PELI1: variants seen among roughly 807,000 people sequenced by gnomAD.
PELI1 encodes the protein E3 ubiquitin-protein ligase pellino homolog 1.
A neutral mutation model predicts 41.3 loss-of-function variants in PELI1; 15 were observed. The observed-to-expected ratio is 0.36, with a 90% CI of 0.24 to 0.56. The LOEUF (loss-of-function observed/expected upper bound fraction) is 0.56, where lower values mean the gene tolerates loss of function less well. Among genes scored for constraint, PELI1 ranks in the 20% least tolerant of loss-of-function variants. The pLI is 0.82. For synonymous variants in PELI1, 178 were observed against 180.1 expected, an observed-to-expected ratio of 0.99 and a Z score of 0.09; for missense variants, 403 against 525.5, an observed-to-expected ratio of 0.77 and a Z score of 2.28.
intron 1 of PELI1, among the ~76,000 whole-genome samples, chr2:64,137,261 G>A (rs1008735200): frequency 6.6e-6 from 1 of 152,132 alleles, no homozygotes; most frequent in African/African-American, 2.4e-5. Context: ...TCTGAGAAAT[G>A]AAGCATGAAT....
At chr2:64,134,046 G>T (rs917710654) in intron 1 of PELI1, among the ~76,000 whole-genome samples, 3 of 152,088 alleles carry the variant, frequency 2.0e-5, no homozygotes, top group African/African-American at 7.2e-5. Context: ...GTACCTAGAT[G>T]GTATGAAGGA....
intron 1 of PELI1, among the ~76,000 whole-genome samples, chr2:64,122,862 C>G (rs1681268900): frequency 6.6e-6 from 1 of 152,120 alleles, no homozygotes; most frequent in South Asian, 2.1e-4. Context: ...CATTTTAAAG[C>G]TGGAAAGAAC....
chr2:64,139,808 T>C (rs374294560), intron 1 of PELI1, among the ~76,000 whole-genome samples: 2 of 152,154 alleles, frequency 1.3e-5, no homozygotes, highest in East Asian at 1.9e-4. Flanking sequence ...ACAGTACTCT[T>C]TCCTGCTAAG....
At chr2:64,143,551 A>T (rs1248273204) in intron 1 of PELI1, 2 of 152,158 alleles carry the variant, frequency 1.3e-5, no homozygotes, top group African/African-American at 4.8e-5. Flanking sequence ...GGTGAAATTA[A>T]TTAGCGTGTT....
intron 1 of PELI1, among the ~76,000 whole-genome samples, chr2:64,112,430 GA>G (rs1680835503): frequency 6.6e-6 from 1 of 151,696 alleles, no homozygotes. Context: ...TATAGCAAAA[GA>G]ACAATTTTTT....
chr2:64,142,478 C>G (rs1681943620), intron 1 of PELI1, among the ~76,000 whole-genome samples: 1 of 152,040 alleles, frequency 6.6e-6, no homozygotes, highest in Non-Finnish European at 1.5e-5. Context: ...AGAAGTGATG[C>G]TTGGTTTAAA....
chr2:64,116,954 T>C lies in PELI1; in HGVS notation c.-69-8575A>G, dbSNP rs963924221. Among the ~76,000 whole-genome samples the C allele has an allele frequency of 2.2e-4, 33 of 152,206 alleles. 1 individual carries two copies. Among genetic ancestry groups the C allele is most frequent in the African/African-American group, 7.2e-4 (30 of 41,452 alleles). ...TTGTATCTGTTATGGTGGTCTGTGA[T>C]CAGTGATCTTTGATGTTACTGTTAT... On this transcript the variant is annotated intron_variant, in intron 1 of 6. Coordinates refer to ENST00000358912, the MANE Select transcript of PELI1 (RefSeq NM_020651.4).
chr2:64,099,165 TACACACACAC>T (rs70965174), intron 4 of PELI1, among the ~76,000 whole-genome samples: 44 of 144,890 alleles, frequency 3.0e-4, no homozygotes, highest in East Asian at 8.1e-4. Flanking sequence ...ATCTTGGAGA[TACACACACAC>T]ACACACACAC....
At chr2:64,115,710 A>G (rs1281195806) in intron 1 of PELI1, among the ~76,000 whole-genome samples, 2 of 152,246 alleles carry the variant, frequency 1.3e-5, no homozygotes, top group African/African-American at 4.8e-5. Context: ...AAAGTGGTCC[A>G]GATTTTCTAA....
At chr2:64,106,756 T>A (rs1680634764) in intron 2 of PELI1, among the ~76,000 whole-genome samples, 1 of 152,132 alleles carries the variant, frequency 6.6e-6, no homozygotes. Flanking sequence ...ATTCCTAACA[T>A]CCAGTCAAGC....
chr2:64,117,977 T>A (rs1681057618), intron 1 of PELI1, among the ~76,000 whole-genome samples: 1 of 151,944 alleles, frequency 6.6e-6, no homozygotes, highest in South Asian at 2.1e-4. Context: ...GCCCAGCTAA[T>A]TTTTTGTATT....
At chr2:64,102,162 A>C (rs112484093) in intron 3 of PELI1, among the ~76,000 whole-genome samples, 1 of 151,986 alleles carries the variant, frequency 6.6e-6, no homozygotes, top group Middle Eastern at 3.2e-3. Context: ...CTACAGATAC[A>C]ATTGAGGCTG....
chr2:64,121,059 T>A (rs1576091101), intron 1 of PELI1, among the ~76,000 whole-genome samples: 1 of 152,216 alleles, frequency 6.6e-6, no homozygotes, highest in Admixed American at 6.5e-5. Context: ...AATGTTTCTT[T>A]TGCTCCTTGT....
intron 1 of PELI1, among the ~76,000 whole-genome samples, chr2:64,137,360 A>C (rs567875193): frequency 1.4e-4 from 22 of 152,306 alleles, no homozygotes; most frequent in African/African-American, 5.3e-4. Context: ...CATAGCGACA[A>C]GACTTAAACA....
At chr2:64,114,408 A>G in intron 1 of PELI1, among the ~76,000 whole-genome samples, 1 of 152,182 alleles carries the variant, frequency 6.6e-6, no homozygotes. Flanking sequence ...TTTTTACATA[A>G]AAGGAGAAAT....
chr2:64,121,262 CATG>C (rs1681200595), intron 1 of PELI1, among the ~76,000 whole-genome samples: 1 of 152,172 alleles, frequency 6.6e-6, no homozygotes, highest in Non-Finnish European at 1.5e-5. Flanking sequence ...AGAAGCCGGA[CATG>C]ACAAATTTAA....
chr2:64,112,332 G>A (rs899171837), intron 1 of PELI1, among the ~76,000 whole-genome samples: 1 of 152,156 alleles, frequency 6.6e-6, no homozygotes. Flanking sequence ...GAATTTGGGA[G>A]CTGGAAAAAA....
At chr2:64,140,074 CTG>C (rs1056729987) in intron 1 of PELI1, among the ~76,000 whole-genome samples, 24 of 152,078 alleles carry the variant, frequency 1.6e-4, no homozygotes, top group Admixed American at 8.5e-4. Flanking sequence ...AAAAAGAAAA[CTG>C]TAGCCAAAAA....
intron 1 of PELI1, among the ~76,000 whole-genome samples, chr2:64,136,881 GAC>G (rs1212680079): frequency 6.6e-6 from 1 of 152,174 alleles, no homozygotes; most frequent in Admixed American, 6.5e-5. Context: ...CCAACCTGGT[GAC>G]AGAGCAAGGC....
Sources: allele counts gnomAD v4.1 joint callset (sites outside exome capture counted in the v4.1 genomes callset), GRCh38; gene constraint gnomAD v4.1.1; transcripts MANE v1.5; gene names NCBI Gene and HGNC (gene_info 2026-07-23, HGNC 2026-07-21).